The following HDAC9 variants were observed in gnomAD, a reference collection of about 807,000 sequenced individuals.
HDAC9 encodes the protein MEF-2 interacting transcription repressor (MITR) protein.
HDAC9 carries 41 observed loss-of-function variants against 139.4 expected under a neutral mutation model. That is an observed-to-expected ratio of 0.29 (90% CI 0.23 to 0.38). The LOEUF (loss-of-function observed/expected upper bound fraction) is 0.38, where lower values mean the gene tolerates loss of function less well. Ranked by LOEUF, HDAC9 falls within the 10% of genes least tolerant of loss-of-function variation. HDAC9 has a pLI of 1.00. For missense variants in HDAC9, 1,147 were observed against 1,297.0 expected (o/e 0.88, Z 1.78); for synonymous variants, 517 against 476.2 (o/e 1.09, Z -1.12).
intron 21 of HDAC9, among the ~76,000 whole-genome samples, chr7:18,846,352 C>A (rs1357792937): frequency 6.6e-6 from 1 of 152,104 alleles, no homozygotes; most frequent in African/African-American, 2.4e-5. Context: ...GACTGGGACC[C>A]ACCCTCAGAC....
intron 2 of HDAC9, among the ~76,000 whole-genome samples, chr7:18,511,719 G>A (rs1024743278): frequency 6.6e-6 from 1 of 152,120 alleles, no homozygotes; most frequent in African/African-American, 2.4e-5. Context: ...TCAACCAACA[G>A]GTAACAGAGA....
At chr7:18,798,918 G>C (rs1016102391) in intron 17 of HDAC9, among the ~76,000 whole-genome samples, 1 of 152,030 alleles carries the variant, frequency 6.6e-6, no homozygotes, top group African/African-American at 2.4e-5. Flanking sequence ...TCCTACTCAG[G>C]AAAGACCTGA....
chr7:18,616,783 C>T (rs560506171), intron 6 of HDAC9, among the ~76,000 whole-genome samples: 132 of 152,226 alleles, frequency 8.7e-4, no homozygotes, highest in African/African-American at 3.0e-3. Flanking sequence ...CTCCTGTTGG[C>T]CAGAAGTCAC....
chr7:18,853,092 TC>T (rs753411257), intron 21 of HDAC9, among the ~76,000 whole-genome samples: 416 of 152,196 alleles, frequency 2.7e-3, no homozygotes, highest in Non-Finnish European at 4.4e-3. Flanking sequence ...AGTCCCTGAG[TC>T]GGCCTGGCTC....
At chr7:18,329,532 A>C (rs1167466031) in intron 1 of HDAC9, among the ~76,000 whole-genome samples, 1 of 151,588 alleles carries the variant, frequency 6.6e-6, no homozygotes, top group African/African-American at 2.4e-5. Context: ...GTCGATTAGT[A>C]AACAAAAGAA....
At chr7:18,739,003 A>G (rs1787191362) in intron 13 of HDAC9, among the ~76,000 whole-genome samples, 1 of 151,952 alleles carries the variant, frequency 6.6e-6, no homozygotes, top group Non-Finnish European at 1.5e-5. Flanking sequence ...ACTTCATTTC[A>G]TTAATTTGAT....
At chr7:18,249,162 A>T (rs1226324513) in intron 2 of HDAC9, among the ~76,000 whole-genome samples, 1 of 152,186 alleles carries the variant, frequency 6.6e-6, no homozygotes, top group Non-Finnish European at 1.5e-5. Flanking sequence ...ATTTTCTTAA[A>T]ACAAGAAAAA....
chr7:18,771,120 A>T (rs1025041926), intron 16 of HDAC9, among the ~76,000 whole-genome samples: 1 of 152,152 alleles, frequency 6.6e-6, no homozygotes, highest in African/African-American at 2.4e-5. Context: ...TTTGCAGGGC[A>T]CGGGCAGAAC....
At chr7:18,738,487 T>C (rs1787134591) in intron 13 of HDAC9, among the ~76,000 whole-genome samples, 1 of 152,236 alleles carries the variant, frequency 6.6e-6, no homozygotes, top group Admixed American at 6.5e-5. Context: ...TTTGCTTATG[T>C]ATAATGGATT....
At chr7:18,360,067 C>A (rs914238764) in intron 1 of HDAC9, among the ~76,000 whole-genome samples, 2 of 152,214 alleles carry the variant, frequency 1.3e-5, no homozygotes, top group African/African-American at 2.4e-5. Context: ...CTCTAAACCC[C>A]TCACTTCTTG....
chr7:18,263,174 A>T (rs1237279658), intron 2 of HDAC9, among the ~76,000 whole-genome samples: 1 of 152,032 alleles, frequency 6.6e-6, no homozygotes, highest in Non-Finnish European at 1.5e-5. Context: ...ATGGAGGAAG[A>T]TATGCCATGC....
chr7:18,289,708 A>C (rs1053263768), upstream of HDAC9, among the ~76,000 whole-genome samples: 2 of 152,178 alleles, frequency 1.3e-5, no homozygotes, highest in African/African-American at 4.8e-5. Context: ...CTGGAGTGAC[A>C]GTGTTTTATA....
intron 2 of HDAC9, among the ~76,000 whole-genome samples, chr7:18,576,292 T>C (rs1268379625): frequency 2.0e-5 from 3 of 152,156 alleles, no homozygotes; most frequent in Non-Finnish European, 4.4e-5. Context: ...TGATGAGTGT[T>C]AGCCAGGAAC....
chr7:18,561,051 G>A (rs887177833), intron 2 of HDAC9, among the ~76,000 whole-genome samples: 1 of 152,006 alleles, frequency 6.6e-6, no homozygotes, highest in Non-Finnish European at 1.5e-5. Flanking sequence ...GGTGTCAGGG[G>A]ATAAAAAGAA....
At chr7:18,647,670 A>C (rs1010447673) in intron 9 of HDAC9, 115 bp from the exon 10 acceptor site, 9 of 808,976 alleles carry the variant, frequency 1.1e-5, no homozygotes, top group Non-Finnish European at 1.7e-5. Flanking sequence ...CCATTGGGTA[A>C]GATGGGGCTT....
At chr7:18,290,294 G>A (rs570527534), upstream of HDAC9, 7 of 353,610 alleles carry the variant, frequency 2.0e-5, no homozygotes, top group East Asian at 2.2e-4. Flanking sequence ...TTATAAAGTC[G>A]TTCAGTAGCA....
chr7:18,510,409 A>G (rs1801135373), intron 2 of HDAC9, among the ~76,000 whole-genome samples: 1 of 152,138 alleles, frequency 6.6e-6, no homozygotes, highest in Non-Finnish European at 1.5e-5. Context: ...AGTTGTGAAA[A>G]TGATTACAGG....
intron 1 of HDAC9, among the ~76,000 whole-genome samples, chr7:18,433,562 A>C (rs1283070059): frequency 6.6e-6 from 1 of 152,206 alleles, no homozygotes; most frequent in East Asian, 1.9e-4. Context: ...AAACAACTTC[A>C]GCAAAGTTTC....
chr7:18,243,357 G>A (rs189240278), intron 2 of HDAC9, among the ~76,000 whole-genome samples: 2 of 152,348 alleles, frequency 1.3e-5, no homozygotes, highest in Admixed American at 1.3e-4. Flanking sequence ...GGCTTGGATT[G>A]TGTCTTCCTC....
Sources: gnomAD v4.1 joint callset for allele counts (sites outside exome capture counted in the v4.1 genomes callset) on GRCh38, gnomAD v4.1.1 for gene constraint, MANE v1.5 for transcripts, NCBI Gene and HGNC (gene_info 2026-07-23, HGNC 2026-07-21) for gene names.